The following AHI1 variants were observed in gnomAD, a reference collection of about 807,000 sequenced individuals.
AHI1 encodes Abelson helper integration site 1, also known as jouberin.
AHI1 carries 123 observed loss-of-function variants against 149.3 expected under a neutral mutation model. The observed-to-expected ratio is 0.82, with a 90% CI of 0.71 to 0.96. The LOEUF (loss-of-function observed/expected upper bound fraction) is 0.96. AHI1 is among the 40% of genes least tolerant of loss of function. AHI1 has a pLI of 0.00. For synonymous variants in AHI1, 475 were observed against 459.8 expected (o/e 1.03, Z -0.42); for missense variants, 1,439 against 1,422.7 (o/e 1.01, Z -0.18).
At chr6:135,397,962 A>G (rs936489538) in intron 22 of AHI1, among the ~76,000 whole-genome samples, 2 of 150,388 alleles carry the variant, frequency 1.3e-5, no homozygotes, top group Non-Finnish European at 2.9e-5. Flanking sequence ...CAGCTGTCAT[A>G]TTTTTCCACT....
rs1385862872 is a variant in AHI1 at position 135,457,668 on chromosome 6, A to G, written c.977T>C (p.Ile326Thr). ...EDVDGDGVHE[I>T]TSRDSPVYPK... ...ATAAACCGGGCTATCTCGGCTTGTT[A>G]TTTCATGAACACCATCACCATCAAC... Residue 326 changes from isoleucine to threonine, a missense_variant, in exon 9 of 29, where the codon ATA becomes ACA. Ile to Thr is a moderately conservative substitution (Grantham distance 89). Coordinates refer to ENST00000265602, the MANE Select transcript of AHI1 (RefSeq NM_001134831.2). 2.5e-6 allele frequency: 4 copies of G among 1,613,904 alleles called. No individual in the cohort carries two copies. The South Asian group carries it at 4.4e-5, about 18-fold the overall frequency.
intron 24 of AHI1, among the ~76,000 whole-genome samples, chr6:135,345,587 G>T (rs1051295561): frequency 1.3e-5 from 2 of 152,022 alleles, no homozygotes; most frequent in African/African-American, 4.8e-5. Flanking sequence ...TACACAGTGC[G>T]TTTATATAAA....
At chr6:135,343,408 T>C (rs746234167) in intron 24 of AHI1, among the ~76,000 whole-genome samples, 1 of 151,788 alleles carries the variant, frequency 6.6e-6, no homozygotes, top group Non-Finnish European at 1.5e-5. Flanking sequence ...AAGATTCCTA[T>C]GGAAATGCAA....
At chr6:135,290,352 T>C (rs1365336377) in intron 28 of AHI1, 71 bp downstream of exon 28, 2 of 946,596 alleles carry the variant, frequency 2.1e-6, no homozygotes, top group Non-Finnish European at 3.4e-6. Context: ...TATTTGTCCT[T>C]GCTGACCATG....
chr6:135,496,061 TAATA>T (rs979519126), intron 2 of AHI1, among the ~76,000 whole-genome samples, 163 bp from the exon 3 acceptor site: 74 of 152,136 alleles, frequency 4.9e-4, no homozygotes, highest in African/African-American at 1.7e-3. Context: ...ACAACTAAAC[TAATA>T]AATACTAATA....
In AHI1 at chr6:135,448,486, G is replaced by T; in HGVS notation, c.1441-11C>A. 7.0e-7 allele frequency: 1 copy of T among 1,438,672 alleles called. No individual in the cohort carries two copies. Among genetic ancestry groups the T allele is most frequent in the Middle Eastern group, 1.9e-4 (1 of 5,386 alleles). 89.1% of individuals were successfully genotyped at this position (1,438,672 alleles called of 1,614,324 possible). On this transcript the variant is annotated splice_polypyrimidine_tract_variant and intron_variant, in intron 11 of 28. Coordinates refer to ENST00000265602, the MANE Select transcript of AHI1 (RefSeq NM_001134831.2). Reference sequence around the variant, plus strand: ...ATTGGCTCCCAGAAGCTTAAAATAAGAATTCATATAAAATGTTACCTTCAT... The same window carrying T: ...ATTGGCTCCCAGAAGCTTAAAATAATAATTCATATAAAATGTTACCTTCAT...
intron 8 of AHI1, among the ~76,000 whole-genome samples, chr6:135,458,796 C>T (rs375399848): frequency 6.6e-6 from 1 of 152,122 alleles, no homozygotes; most frequent in South Asian, 2.1e-4. Flanking sequence ...CAGCATGAGA[C>T]AGAAGACTAA....
chr6:135,477,149 T>C (rs930269488), intron 5 of AHI1, among the ~76,000 whole-genome samples: 6 of 151,924 alleles, frequency 3.9e-5, no homozygotes, highest in Non-Finnish European at 5.9e-5. Flanking sequence ...CATGCCATTC[T>C]CCTGCCCCAG....
intron 23 of AHI1, chr6:135,387,640 T>C (rs1777799782): frequency 2.4e-6 from 1 of 417,328 alleles, no homozygotes; most frequent in Admixed American, 5.7e-5. Context: ...ATATCCATTA[T>C]TTGTCTCTTT....
chr6:135,430,814 T>C (rs907581798), intron 17 of AHI1, among the ~76,000 whole-genome samples: 29 of 151,974 alleles, frequency 1.9e-4, no homozygotes, highest in African/African-American at 6.5e-4. Flanking sequence ...GACACCAGTG[T>C]TGATAAAATA....
intron 23 of AHI1, among the ~76,000 whole-genome samples, chr6:135,377,086 T>C (rs1047130002): frequency 1.2e-4 from 18 of 151,906 alleles, no homozygotes; most frequent in African/African-American, 4.1e-4. Context: ...TTGACACAAT[T>C]ACGGAAATCT....
rs74667413 is a variant in AHI1 at position 135,454,873 on chromosome 6, G to A, written c.1344+861C>T. On this transcript the variant is annotated intron_variant, in intron 10 of 28. Coordinates refer to ENST00000265602, the MANE Select transcript of AHI1 (RefSeq NM_001134831.2). ...CAACATAATCACAAATGTAAATATT[G>A]GAATATTTGTATCATAAATACAAAT... Among the ~76,000 whole-genome samples, 590 of 152,132 alleles carry A rather than the reference G, an allele frequency of 3.9e-3. 10 individuals are homozygous for A. The highest frequency in any genetic ancestry group is 0.036 in the East Asian group (187 of 5,174).
At chr6:135,294,715 A>G (rs1782856806) in intron 27 of AHI1, among the ~76,000 whole-genome samples, 1 of 149,934 alleles carries the variant, frequency 6.7e-6, no homozygotes, top group Non-Finnish European at 1.5e-5. Flanking sequence ...AAAAAAAAAA[A>G]AAGAAAAAGA....
At chr6:135,376,109 G>A (rs1775876937) in intron 23 of AHI1, among the ~76,000 whole-genome samples, 1 of 151,878 alleles carries the variant, frequency 6.6e-6, no homozygotes, top group African/African-American at 2.4e-5. Flanking sequence ...GCGGGGCGGG[G>A]CGCAGTGGTG....
At chr6:135,310,422 G>A (rs778054835) in intron 26 of AHI1, among the ~76,000 whole-genome samples, 1 of 152,224 alleles carries the variant, frequency 6.6e-6, no homozygotes, top group Non-Finnish European at 1.5e-5. Context: ...TTGGCTGGAA[G>A]AGGAACTACC....
chr6:135,431,407 C>G (rs1784642972), intron 16 of AHI1, 93 bp from the exon 17 acceptor site: 2 of 689,952 alleles, frequency 2.9e-6, no homozygotes, highest in Non-Finnish European at 4.5e-6. Context: ...CCCAGTAAAA[C>G]AGTCAAAGAA....
rs143837543 is a variant in AHI1, at chr6:135,369,604, C to A, written c.3110-11417G>T. 9.3e-3 allele frequency among the ~76,000 whole-genome samples: 1,417 copies of A among 152,318 alleles called. 17 individuals are homozygous for A. The highest frequency in any genetic ancestry group is 0.032 in the African/African-American group (1,322 of 41,564). On this transcript the variant is annotated intron_variant, in intron 23 of 28. Coordinates refer to ENST00000265602, the MANE Select transcript of AHI1 (RefSeq NM_001134831.2). ...TATTTTCTGTTTTCCTTCTGCAATTCCAGTTGCATGTTTAATCCATTTCAC... is the reference window on the plus strand; with the variant it reads ...TATTTTCTGTTTTCCTTCTGCAATTACAGTTGCATGTTTAATCCATTTCAC...
intron 15 of AHI1, among the ~76,000 whole-genome samples, chr6:135,438,020 A>G (rs539202663): frequency 1.3e-5 from 2 of 152,246 alleles, no homozygotes; most frequent in East Asian, 3.9e-4. Context: ...CTGCAAATCC[A>G]GCCAATAGTG....
At chr6:135,486,548 G>C (rs977641173) in intron 5 of AHI1, among the ~76,000 whole-genome samples, 1 of 151,882 alleles carries the variant, frequency 6.6e-6, no homozygotes, top group African/African-American at 2.4e-5. Flanking sequence ...GCTGAGATAG[G>C]TTATTCTTTT....
Sources: allele counts gnomAD v4.1 joint callset (sites outside exome capture counted in the v4.1 genomes callset), GRCh38; gene constraint gnomAD v4.1.1; transcripts MANE v1.5; gene names NCBI Gene and HGNC (gene_info 2026-07-23, HGNC 2026-07-21).